The following VAV3 variants were observed in gnomAD, a reference collection of about 807,000 sequenced individuals.
VAV3 encodes vav guanine nucleotide exchange factor 3.
A neutral mutation model predicts 131.2 loss-of-function variants in VAV3; 94 were observed. The observed-to-expected ratio is 0.72, with a 90% CI of 0.61 to 0.85. The LOEUF (loss-of-function observed/expected upper bound fraction) is 0.85. Ranked by LOEUF, VAV3 falls within the 40% of genes least tolerant of loss-of-function variation. The pLI, the probability that VAV3 is intolerant of heterozygous loss-of-function variation, is 0.00. For missense variants in VAV3, 939 were observed against 1,002.7 expected, an observed-to-expected ratio of 0.94 and a Z score of 0.86; for synonymous variants, 349 against 342.0, an observed-to-expected ratio of 1.02 and a Z score of -0.22.
chr1:107,730,220 G>A (rs1164913369), intron 15 of VAV3, among the ~76,000 whole-genome samples: 1 of 152,156 alleles, frequency 6.6e-6, no homozygotes, highest in Non-Finnish European at 1.5e-5. Context: ...TGAAGGAGAA[G>A]GATGACAGCA....
chr1:107,713,961 G>A (rs141425027), intron 15 of VAV3, among the ~76,000 whole-genome samples: 1 of 152,088 alleles, frequency 6.6e-6, no homozygotes, highest in Non-Finnish European at 1.5e-5. Flanking sequence ...TTTAACGTTT[G>A]TGCCGAATGT....
chr1:107,713,074 C>T (rs932629964), intron 15 of VAV3, among the ~76,000 whole-genome samples: 3 of 152,092 alleles, frequency 2.0e-5, no homozygotes, highest in African/African-American at 7.2e-5. Context: ...TAGATAAAGA[C>T]TTATACTATC....
intron 25 of VAV3, among the ~76,000 whole-genome samples, chr1:107,580,281 T>A (rs1445090155): frequency 6.6e-6 from 1 of 152,216 alleles, no homozygotes; most frequent in Non-Finnish European, 1.5e-5. Context: ...GCTCATCTTC[T>A]GCTCACTTAA....
rs1463779565 is a variant in VAV3, at chr1:107,603,097, G to A, written c.2082C>T (p.Tyr694=). Reference sequence around the variant, plus strand: ...ACTCTTTGGTCCTGTGCCTCACAAGGTAAGTACTATTTACCCTATTAATAA... The same window carrying A: ...ACTCTTTGGTCCTGTGCCTCACAAGATAAGTACTATTTACCCTATTAATAA... The part of the protein sequence containing the change: ...TELINRVNST[Y]LVRHRTKESG... The change falls in exon 23 of 27, where the codon TAC becomes TAT. Residue 694 remains tyrosine, a synonymous_variant. Coordinates refer to ENST00000370056, the MANE Select transcript of VAV3 (RefSeq NM_006113.5). 1.2e-6 allele frequency: 2 copies of A among 1,613,478 alleles called. No individual in the cohort carries two copies. Among genetic ancestry groups the A allele is most frequent in the Non-Finnish European group, 1.7e-6 (2 of 1,179,782 alleles).
intron 15 of VAV3, among the ~76,000 whole-genome samples, chr1:107,714,800 A>C (rs1343314078): frequency 6.6e-6 from 1 of 152,144 alleles, no homozygotes; most frequent in Admixed American, 6.5e-5. Context: ...TCTTTTATCC[A>C]GGGAAATGAA....
At chr1:107,758,528 C>T (rs1022853009) in intron 10 of VAV3, among the ~76,000 whole-genome samples, 9 of 152,166 alleles carry the variant, frequency 5.9e-5, no homozygotes, top group African/African-American at 2.2e-4. Flanking sequence ...CACCATTGCA[C>T]TCTAGCTTGG....
intron 2 of VAV3, among the ~76,000 whole-genome samples, chr1:107,807,465 A>G (rs1414731465): frequency 6.6e-6 from 1 of 152,234 alleles, no homozygotes; most frequent in Non-Finnish European, 1.5e-5. Context: ...GATTAGCAGC[A>G]CTGATTTGAT....
chr1:107,706,274 A>G (rs1660448080), intron 15 of VAV3, among the ~76,000 whole-genome samples: 1 of 152,170 alleles, frequency 6.6e-6, no homozygotes, highest in African/African-American at 2.4e-5. Flanking sequence ...AATGAAGCAT[A>G]ACACAGGCAG....
intron 20 of VAV3, among the ~76,000 whole-genome samples, chr1:107,622,118 T>C (rs1479254599): frequency 6.6e-6 from 1 of 152,208 alleles, no homozygotes; most frequent in Non-Finnish European, 1.5e-5. Flanking sequence ...TTTTTTCCTG[T>C]AGAAAATGTA....
In VAV3 at chr1:107,770,282, T is replaced by TC. The variant is rs200482864; in HGVS notation, c.648+353dup. Among the ~76,000 whole-genome samples the TC allele has an allele frequency of 9.7e-3, 1,467 of 150,932 alleles. 12 individuals are homozygous for TC. The highest frequency in any genetic ancestry group is 0.031 in the South Asian group (146 of 4,710). Reference sequence around the variant, plus strand: ...ACTCTTTATAAAATGCCACCAGCCCTCCCCCCCCATCACTCTCTATCTTAT... The same window carrying TC: ...ACTCTTTATAAAATGCCACCAGCCCTCCCCCCCCCATCACTCTCTATCTTAT... On this transcript the variant is annotated intron_variant, in intron 6 of 26. Coordinates refer to ENST00000370056, the MANE Select transcript of VAV3 (RefSeq NM_006113.5).
intron 21 of VAV3, among the ~76,000 whole-genome samples, chr1:107,613,295 C>T (rs896133042): frequency 1.3e-5 from 2 of 152,064 alleles, no homozygotes; most frequent in Non-Finnish European, 2.9e-5. Flanking sequence ...AGTTCTCAGG[C>T]ATTGTTTATT....
rs539693585 is a variant in VAV3, at chr1:107,721,168, T to C, written c.1503-16107A>G. ...AGGCATAAGAGACTGAATCAGGGCATGAGAAAACGTGAAGTTAACGGAATT... is the reference window on the plus strand; with the variant it reads ...AGGCATAAGAGACTGAATCAGGGCACGAGAAAACGTGAAGTTAACGGAATT... On this transcript the variant is annotated intron_variant, in intron 15 of 26. Transcript: ENST00000370056. 1.5e-4 allele frequency among the ~76,000 whole-genome samples: 23 copies of C among 152,266 alleles called. 1 individual carries two copies. The highest frequency in any genetic ancestry group is 4.6e-4 in the Admixed American group (7 of 15,290).
rs540081092 is a variant in VAV3 at position 107,886,003 on chromosome 1, G to A, written c.205-10986C>T. Among the ~76,000 whole-genome samples, 23 of 152,282 alleles carry A rather than the reference G, an allele frequency of 1.5e-4. No homozygotes were observed. The South Asian group carries it at 4.1e-3, about 27-fold the overall frequency. On this transcript the variant is annotated intron_variant, in intron 1 of 26. Coordinates refer to ENST00000370056, the MANE Select transcript of VAV3 (RefSeq NM_006113.5). ...ATATCTCCAAGGAAGTGGCTGAACT[G>A]AACATCCAAGGATGAACAAAAAGGT...
At chr1:107,826,741 G>A (rs897122407) in intron 2 of VAV3, among the ~76,000 whole-genome samples, 5 of 152,240 alleles carry the variant, frequency 3.3e-5, no homozygotes, top group South Asian at 2.1e-4. Flanking sequence ...CAGAGGCTAC[G>A]AAGGTGAAGT....
chr1:107,707,542 T>C (rs983525077), intron 15 of VAV3, among the ~76,000 whole-genome samples: 8 of 152,232 alleles, frequency 5.3e-5, no homozygotes, highest in Admixed American at 6.5e-5. Context: ...GATAGTGCTT[T>C]GTGACTGGTA....
At chr1:107,935,931 A>G (rs1673688482) in intron 1 of VAV3, among the ~76,000 whole-genome samples, 1 of 152,228 alleles carries the variant, frequency 6.6e-6, no homozygotes, top group Non-Finnish European at 1.5e-5. Context: ...GCACACAGAC[A>G]TCAAAGAGGT....
chr1:107,957,755 T>C (rs1028055193), intron 1 of VAV3, among the ~76,000 whole-genome samples: 17 of 152,138 alleles, frequency 1.1e-4, no homozygotes, highest in African/African-American at 4.1e-4. Context: ...GTAACATCAA[T>C]TGCTACAGGG....
intron 12 of VAV3, among the ~76,000 whole-genome samples, chr1:107,754,371 AAAAG>A (rs1433746260): frequency 6.6e-6 from 1 of 152,202 alleles, no homozygotes; most frequent in African/African-American, 2.4e-5. Context: ...TGCATGTGTG[AAAAG>A]AAAGAGACAG....
At chr1:107,684,540 G>C (rs1557760712) in intron 18 of VAV3, among the ~76,000 whole-genome samples, 2 of 152,164 alleles carry the variant, frequency 1.3e-5, no homozygotes, top group Non-Finnish European at 1.5e-5. Flanking sequence ...CTTCCTAAGG[G>C]CCTCAAAGTC....
Sources: gnomAD v4.1 joint callset for allele counts (sites outside exome capture counted in the v4.1 genomes callset) on GRCh38, gnomAD v4.1.1 for gene constraint, MANE v1.5 for transcripts, NCBI Gene and HGNC (gene_info 2026-07-23, HGNC 2026-07-21) for gene names.